The following SRGAP3 variants were observed in gnomAD, a reference collection of about 807,000 sequenced individuals.
SRGAP3 encodes the protein SLIT-ROBO Rho GTPase-activating protein 3.
Under a neutral mutation model 121.1 loss-of-function variants are expected in SRGAP3, and 39 were observed. The observed-to-expected ratio is 0.32, with a 90% CI of 0.25 to 0.42. The LOEUF is 0.42. Ranked by LOEUF, SRGAP3 falls within the 10% of genes least tolerant of loss-of-function variation. The pLI is 1.00. For missense variants in SRGAP3, 1,213 were observed against 1,470.6 expected (o/e 0.82, Z 2.86); for synonymous variants, 601 against 570.0 (o/e 1.05, Z -0.77).
rs1356479610 is a variant in SRGAP3 at position 9,249,528 on chromosome 3, C to T, written c.-577G>A. On this transcript the variant is annotated 5_prime_UTR_variant, in exon 1 of 22. Coordinates refer to ENST00000383836, the MANE Select transcript of SRGAP3 (RefSeq NM_014850.4). ...CAGGTTGCCAAAGGGCCGGTCATCT[C>T]GCATCCTCCCTCCCTTCGGTGCCTC... 4.1e-6 allele frequency: 1 copy of T among 242,618 alleles called. No individual in the cohort carries two copies. The highest frequency in any genetic ancestry group is 2.2e-5 in the African/African-American group (1 of 45,398). 15.0% of individuals were successfully genotyped at this position (242,618 alleles called of 1,614,324 possible). A position where few individuals can be genotyped will look rare whatever the true frequency, so the allele number is the denominator to read the frequency against.
intron 11 of SRGAP3, chr3:9,037,691 G>T (rs999526203): frequency 2.9e-6 from 1 of 347,150 alleles, no homozygotes; most frequent in East Asian, 6.3e-5. Context: ...GCTCAGCATG[G>T]TGTAGCAGGT....
At chr3:9,262,404 CAT>C (rs1239733697) in intron 3 of SRGAP3, among the ~76,000 whole-genome samples, 2 of 151,818 alleles carry the variant, frequency 1.3e-5, no homozygotes, top group South Asian at 4.2e-4. Context: ...AATTAAAAGA[CAT>C]AGACTGGCAA....
At chr3:9,255,754 G>A (rs1240165110) in intron 3 of SRGAP3, among the ~76,000 whole-genome samples, 1 of 152,150 alleles carries the variant, frequency 6.6e-6, no homozygotes, top group Non-Finnish European at 1.5e-5. Flanking sequence ...GTCAACGTGT[G>A]TCTGCTAACG....
chr3:9,010,233 T>G, intron 18 of SRGAP3, 75 bp downstream of exon 18: 1 of 1,523,972 alleles, frequency 6.6e-7, no homozygotes, highest in Non-Finnish European at 9.1e-7. Context: ...GGGCCAGCCC[T>G]GTGGTTGGGC....
At chr3:9,246,409 T>A (rs1183119123) in intron 1 of SRGAP3, among the ~76,000 whole-genome samples, 1 of 152,152 alleles carries the variant, frequency 6.6e-6, no homozygotes, top group Non-Finnish European at 1.5e-5. Flanking sequence ...GGGTAAACAA[T>A]GGAACTCCAT....
At chr3:9,086,522 A>G (rs1947480836) in intron 3 of SRGAP3, among the ~76,000 whole-genome samples, 1 of 150,804 alleles carries the variant, frequency 6.6e-6, no homozygotes, top group Non-Finnish European at 1.5e-5. Flanking sequence ...TGTTTCAAAA[A>G]AAAAAAAAAA....
chr3:9,300,149 G>A (rs375998331), intron 3 of SRGAP3, among the ~76,000 whole-genome samples: 17 of 652 alleles, frequency 0.026, no homozygotes, highest in African/African-American at 0.054. Context: ...AGCCACCATC[G>A]TCACCACCAC....
At chr3:9,353,361 C>T (rs2030301264) in intron 1 of SRGAP3, among the ~76,000 whole-genome samples, 1 of 152,212 alleles carries the variant, frequency 6.6e-6, no homozygotes, top group Non-Finnish European at 1.5e-5. Flanking sequence ...CACTAGGTGG[C>T]AGGGGTGCTG....
intron 3 of SRGAP3, among the ~76,000 whole-genome samples, chr3:9,310,296 A>G (rs1364304967): frequency 6.6e-6 from 1 of 152,040 alleles, no homozygotes; most frequent in Non-Finnish European, 1.5e-5. Flanking sequence ...AATCTAGTGG[A>G]TGCTTATTGG....
At chr3:9,108,555 C>G (rs547776978) in intron 2 of SRGAP3, among the ~76,000 whole-genome samples, 1 of 152,168 alleles carries the variant, frequency 6.6e-6, no homozygotes, top group African/African-American at 2.4e-5. Flanking sequence ...GAGGTGGAAG[C>G]TGCAGTGAGC....
chr3:8,985,600 G>C lies in SRGAP3; in HGVS notation c.3219C>G (p.Ser1073Arg), dbSNP rs755595138. The change falls in exon 22 of 22, where the codon AGC (serine) becomes AGG (arginine). Residue 1073 changes from serine to arginine, a missense_variant. By Grantham distance (110) the Ser-to-Arg change is moderately radical. Transcript: ENST00000383836. The surrounding 1 kb of genome is among the most constrained non-coding windows in gnomAD (Gnocchi z 5.1). ...VVQHRSSSSS[S>R]SGVGSPAVTP... ...TCACGGCCGGGCTGCCCACGCCCGA[G>C]CTGCTGCTGCTGCTGGACCGGTGCT... 1.3e-6 allele frequency: 2 copies of C among 1,583,908 alleles called. No individual in the cohort carries two copies. Among genetic ancestry groups the C allele is most frequent in the South Asian group, 2.2e-5 (2 of 89,674 alleles).
At chr3:9,331,991 G>A (rs1489315901) in intron 1 of SRGAP3, among the ~76,000 whole-genome samples, 1 of 152,208 alleles carries the variant, frequency 6.6e-6, no homozygotes, top group Non-Finnish European at 1.5e-5. Context: ...TAGAGCAATA[G>A]CTAACTGATA....
chr3:9,014,675 T>C (rs376550010), intron 15 of SRGAP3: 1 of 152,266 alleles, frequency 6.6e-6, no homozygotes, highest in Non-Finnish European at 1.5e-5. Context: ...GAGCAGGGAA[T>C]AGTGTGGAGG....
chr3:9,165,818 T>C (rs1166118030), intron 1 of SRGAP3, among the ~76,000 whole-genome samples: 2 of 152,182 alleles, frequency 1.3e-5, no homozygotes, highest in South Asian at 2.1e-4. Flanking sequence ...CTATCACCAT[T>C]TGTCCTTCCT....
intron 13 of SRGAP3, 56 bp downstream of exon 13, chr3:9,026,879 C>G (rs962264232): frequency 6.3e-7 from 1 of 1,583,442 alleles, no homozygotes; most frequent in Non-Finnish European, 8.7e-7. Flanking sequence ...CCTATCAGAA[C>G]AGCCTAGCAC....
At chr3:9,123,954 G>C (rs1466900938) in intron 2 of SRGAP3, among the ~76,000 whole-genome samples, 2 of 151,964 alleles carry the variant, frequency 1.3e-5, no homozygotes, top group Non-Finnish European at 2.9e-5. Flanking sequence ...CTGAAGGAGA[G>C]ACAGTGCTGG....
intron 12 of SRGAP3, among the ~76,000 whole-genome samples, chr3:9,027,642 A>G (rs985294418): frequency 2.0e-5 from 3 of 152,258 alleles, no homozygotes; most frequent in African/African-American, 7.2e-5. Context: ...AGGCTGAAAA[A>G]GATGCAATTC....
intron 1 of SRGAP3, among the ~76,000 whole-genome samples, chr3:9,358,128 T>C (rs999512000): frequency 6.6e-6 from 1 of 152,144 alleles, no homozygotes; most frequent in Non-Finnish European, 1.5e-5. Context: ...TAAAATTCAG[T>C]GTTTCTTAGT....
chr3:9,095,362 G>A (rs1947926659), intron 3 of SRGAP3, among the ~76,000 whole-genome samples: 1 of 151,962 alleles, frequency 6.6e-6, no homozygotes, highest in African/African-American at 2.4e-5. Flanking sequence ...CTACACCAAG[G>A]TTTTAAATAT....
Sources: gnomAD v4.1 joint callset for allele counts (sites outside exome capture counted in the v4.1 genomes callset) on GRCh38, gnomAD v4.1.1 for gene constraint, Gnocchi (gnomAD v3.1) non-coding constraint, MANE v1.5 for transcripts, NCBI Gene and HGNC (gene_info 2026-07-23, HGNC 2026-07-21) for gene names.